The following SORCS3 variants were observed in gnomAD, a reference collection of about 807,000 sequenced individuals.
SORCS3 encodes the protein sortilin related VPS10 domain containing receptor 3.
A neutral mutation model predicts 146.3 loss-of-function variants in SORCS3; 57 were observed. The ratio of observed to expected loss-of-function variants is 0.39; its 90% confidence interval spans 0.31 to 0.49. The LOEUF (loss-of-function observed/expected upper bound fraction) is 0.49, where lower values mean the gene tolerates loss of function less well. Ranked by LOEUF, SORCS3 falls within the 20% of genes least tolerant of loss-of-function variation. The probability of loss-of-function intolerance (pLI) is 0.92; values close to 1 mark genes in which losing one functional copy is unlikely to be tolerated. For missense variants in SORCS3, 1,341 were observed against 1,575.5 expected (o/e 0.85, Z 2.52); for synonymous variants, 653 against 618.5 (o/e 1.06, Z -0.83).
At chr10:105,158,576 A>T (rs2056232323) in intron 10 of SORCS3, among the ~76,000 whole-genome samples, 1 of 152,112 alleles carries the variant, frequency 6.6e-6, no homozygotes, top group Non-Finnish European at 1.5e-5. Flanking sequence ...TGGTAGAAGG[A>T]ATGGTCAAGG....
intron 2 of SORCS3, among the ~76,000 whole-genome samples, chr10:104,870,076 GTCATTA>G (rs1457434284): frequency 1.6e-4 from 25 of 152,342 alleles, no homozygotes; most frequent in Non-Finnish European, 2.4e-4. Context: ...CTCTATTGCT[GTCATTA>G]TCATTATTTC....
At chr10:105,009,221 G>A (rs1031065909) in intron 4 of SORCS3, among the ~76,000 whole-genome samples, 5 of 152,160 alleles carry the variant, frequency 3.3e-5, no homozygotes, top group African/African-American at 1.2e-4. Flanking sequence ...GGAGGAGCTA[G>A]TGCATGTCAG....
intron 1 of SORCS3, among the ~76,000 whole-genome samples, chr10:104,797,656 A>G (rs1385292671): frequency 2.6e-5 from 4 of 152,184 alleles, no homozygotes; most frequent in Non-Finnish European, 4.4e-5. Flanking sequence ...TAAACTGCCT[A>G]AAGTCACACA....
At chr10:105,236,204 G>T (rs2056792298) in intron 20 of SORCS3, among the ~76,000 whole-genome samples, 1 of 152,082 alleles carries the variant, frequency 6.6e-6, no homozygotes, top group Non-Finnish European at 1.5e-5. Flanking sequence ...GAGAAGTTAA[G>T]CTCCCTGTCT....
At chr10:104,644,506 C>T (rs1403704331) in intron 1 of SORCS3, among the ~76,000 whole-genome samples, 1 of 152,186 alleles carries the variant, frequency 6.6e-6, no homozygotes. Flanking sequence ...GGTTTTTCTC[C>T]TGTCCCCCTT....
At chr10:105,196,556 G>T (rs918978956) in intron 14 of SORCS3, among the ~76,000 whole-genome samples, 12 of 152,204 alleles carry the variant, frequency 7.9e-5, no homozygotes, top group African/African-American at 2.9e-4. Flanking sequence ...AGTGAGCCAA[G>T]ATTGCACCAT....
chr10:105,154,770 T>A (rs189938378), intron 9 of SORCS3, among the ~76,000 whole-genome samples: 1 of 152,312 alleles, frequency 6.6e-6, no homozygotes. Flanking sequence ...TGTGTACACA[T>A]ACATGCATAT....
At chr10:105,050,025 A>G (rs1291210245) in intron 5 of SORCS3, among the ~76,000 whole-genome samples, 2 of 138,488 alleles carry the variant, frequency 1.4e-5, no homozygotes, top group Admixed American at 1.4e-4. Flanking sequence ...GTGTATGTGT[A>G]TATATATACA....
At chr10:105,030,153 A>G (rs78914892) in intron 4 of SORCS3, among the ~76,000 whole-genome samples, 5,643 of 152,298 alleles carry the variant, frequency 0.037, 352 homozygotes, top group African/African-American at 0.13. Flanking sequence ...AGTTAATGCT[A>G]TGTAACCATC....
chr10:105,110,212 T>C (rs1386838954), intron 7 of SORCS3, among the ~76,000 whole-genome samples: 1 of 151,428 alleles, frequency 6.6e-6, no homozygotes, highest in Admixed American at 6.6e-5. Flanking sequence ...TGCCAGTTTA[T>C]ATTGTGTCTC....
chr10:104,677,409 G>T (rs2015923205), intron 1 of SORCS3, among the ~76,000 whole-genome samples: 1 of 152,190 alleles, frequency 6.6e-6, no homozygotes, highest in Non-Finnish European at 1.5e-5. Context: ...CTTAAAAAAG[G>T]ACTGAAGAAG....
At chr10:104,792,875 A>G (rs1480099202) in intron 1 of SORCS3, among the ~76,000 whole-genome samples, 1 of 152,084 alleles carries the variant, frequency 6.6e-6, no homozygotes, top group African/African-American at 2.4e-5. Context: ...AGTCTCACAC[A>G]ATGTCTGTGT....
At chr10:105,100,430 A>G (rs2055776068) in intron 6 of SORCS3, among the ~76,000 whole-genome samples, 2 of 152,240 alleles carry the variant, frequency 1.3e-5, no homozygotes, top group African/African-American at 2.4e-5. Flanking sequence ...AAGAATAAGA[A>G]TTAATCAAAG....
chr10:104,831,254 G>C (rs1360966228), intron 1 of SORCS3, among the ~76,000 whole-genome samples: 1 of 152,190 alleles, frequency 6.6e-6, no homozygotes, highest in African/African-American at 2.4e-5. Flanking sequence ...TTACAATCCT[G>C]TGTGGATATC....
At chr10:105,253,006 A>G (rs1478790585) in intron 23 of SORCS3, 100 bp downstream of exon 23, 2 of 1,396,404 alleles carry the variant, frequency 1.4e-6, no homozygotes, top group Non-Finnish European at 1.9e-6. Context: ...GCTCTCTTCC[A>G]TTACCCCAAC....
chr10:105,027,759 G>A (rs976762631), intron 4 of SORCS3, among the ~76,000 whole-genome samples: 2 of 152,108 alleles, frequency 1.3e-5, no homozygotes, highest in South Asian at 4.2e-4. Flanking sequence ...GCTTTGTTTG[G>A]TAATCTCCTT....
rs950674833 is a variant in SORCS3 at position 104,642,555 on chromosome 10, G to T, written c.627+601G>T. On this transcript the variant is annotated intron_variant, in intron 1 of 26. Transcript: ENST00000369701. The stretch of plus-strand genomic sequence containing the variant: ...CAGCCTTGGCCTTCAGGTAACCCCG[G>T]TTCCTCCTTCAAAGTCCAGGGAGCG... Among the ~76,000 whole-genome samples, 5 of 152,134 alleles carry T rather than the reference G, an allele frequency of 3.3e-5. No homozygotes were observed. In the East Asian group the frequency reaches 7.8e-4, roughly 24 times the overall value.
At chr10:104,986,787 A>G (rs934866264) in intron 4 of SORCS3, among the ~76,000 whole-genome samples, 1 of 152,206 alleles carries the variant, frequency 6.6e-6, no homozygotes, top group Non-Finnish European at 1.5e-5. Flanking sequence ...GGATTAAGTG[A>G]ACCATTTTCT....
chr10:105,110,015 G>A (rs1304991667), intron 7 of SORCS3, among the ~76,000 whole-genome samples: 3 of 151,596 alleles, frequency 2.0e-5, no homozygotes, highest in Non-Finnish European at 4.4e-5. Flanking sequence ...AGGACATCTA[G>A]GATGTGTACA....
Sources: allele counts gnomAD v4.1 joint callset (sites outside exome capture counted in the v4.1 genomes callset), GRCh38; gene constraint gnomAD v4.1.1; transcripts MANE v1.5; gene names NCBI Gene and HGNC (gene_info 2026-07-23, HGNC 2026-07-21).